Variants in FER observed in about 807,000 individuals in gnomAD.
FER encodes FER tyrosine kinase.
FER carries 63 observed loss-of-function variants against 111.0 expected under a neutral mutation model. The ratio of observed to expected loss-of-function variants is 0.57; its 90% confidence interval spans 0.46 to 0.70. The LOEUF (loss-of-function observed/expected upper bound fraction) is 0.70, where lower values mean the gene tolerates loss of function less well. Ranked by LOEUF, FER falls within the 30% of genes least tolerant of loss-of-function variation. The probability of loss-of-function intolerance (pLI) is 0.00; values close to 1 mark genes in which losing one functional copy is unlikely to be tolerated. For synonymous variants in FER, 327 were observed against 313.9 expected (o/e 1.04, Z -0.44); for missense variants, 914 against 954.0 (o/e 0.96, Z 0.55).
intron 3 of FER, among the ~76,000 whole-genome samples, chr5:108,824,784 C>A (rs1434730012): frequency 2.0e-5 from 3 of 152,142 alleles, no homozygotes; most frequent in Non-Finnish European, 2.9e-5. Flanking sequence ...CAGGTTTCTA[C>A]ATACGAGATT....
intron 14 of FER, among the ~76,000 whole-genome samples, chr5:109,043,604 C>A (rs1239000342): frequency 2.0e-5 from 3 of 152,126 alleles, no homozygotes; most frequent in South Asian, 4.1e-4. Flanking sequence ...TCTTAGTGCT[C>A]TAAAACTCAG....
intron 2 of FER, among the ~76,000 whole-genome samples, chr5:108,793,399 C>A (rs1426605053): frequency 6.6e-6 from 1 of 151,958 alleles, no homozygotes; most frequent in Non-Finnish European, 1.5e-5. Flanking sequence ...TTTATTCATT[C>A]ATCTGTTGAT....
intron 13 of FER, among the ~76,000 whole-genome samples, chr5:109,020,878 A>G (rs763830840): frequency 4.9e-4 from 74 of 152,060 alleles, no homozygotes; most frequent in African/African-American, 1.8e-3. Context: ...TCGTTTTGAA[A>G]TTTTCTAAAT....
At chr5:108,983,581 C>T (rs975623826) in intron 13 of FER, among the ~76,000 whole-genome samples, 1 of 152,044 alleles carries the variant, frequency 6.6e-6, no homozygotes, top group Non-Finnish European at 1.5e-5. Flanking sequence ...GTAGTTTCAT[C>T]AACACATTAA....
At chr5:108,842,586 A>G (rs1366611508) in intron 5 of FER, 1 of 152,224 alleles carries the variant, frequency 6.6e-6, no homozygotes, top group Non-Finnish European at 1.5e-5. Flanking sequence ...ATGAATAGAC[A>G]TGAATAGACA....
At chr5:108,991,349 T>C (rs1763149642) in intron 13 of FER, among the ~76,000 whole-genome samples, 1 of 152,058 alleles carries the variant, frequency 6.6e-6, no homozygotes, top group African/African-American at 2.4e-5. Flanking sequence ...AGGCATATTT[T>C]ATAATCTTAA....
chr5:108,956,465 A>G (rs182364489), intron 12 of FER, among the ~76,000 whole-genome samples: 50 of 151,804 alleles, frequency 3.3e-4, no homozygotes, highest in African/African-American at 1.0e-3. Flanking sequence ...TATTTAAATT[A>G]GCGTTCTTAG....
intron 13 of FER, among the ~76,000 whole-genome samples, chr5:109,011,123 G>A (rs1437884566): frequency 1.3e-5 from 2 of 151,976 alleles, no homozygotes; most frequent in Non-Finnish European, 2.9e-5. Flanking sequence ...TTTTAAATGT[G>A]TTAATGCTAT....
chr5:109,028,375 T>A (rs1201580698), intron 13 of FER, among the ~76,000 whole-genome samples: 4 of 152,200 alleles, frequency 2.6e-5, no homozygotes, highest in African/African-American at 9.6e-5. Flanking sequence ...GGAATAGAAC[T>A]TGAAACTTAA....
Position 108,922,667 on chromosome 5 carries a change from TATA to T in FER, c.1237-23460_1237-23458del, listed in dbSNP as rs149195313. ...AATCAGGGAATAAAATATAGGAAAA[TATA>T]ATTTTATTTTAATGAAAATATAAAC... On this transcript the variant is annotated intron_variant, in intron 10 of 19. Transcript: ENST00000281092. 7.9e-3 allele frequency among the ~76,000 whole-genome samples: 1,202 copies of T among 152,192 alleles called. 16 individuals carry two copies. The highest frequency in any genetic ancestry group is 0.028 in the African/African-American group (1,155 of 41,536).
chr5:108,859,217 A>G (rs1763281649), intron 5 of FER, among the ~76,000 whole-genome samples: 1 of 152,058 alleles, frequency 6.6e-6, no homozygotes. Flanking sequence ...TAACTCTTAC[A>G]TTGCTGTCAC....
chr5:109,062,539 A>T (rs1177953), intron 16 of FER, among the ~76,000 whole-genome samples: 150,052 of 152,006 alleles, frequency 0.99, 74,063 homozygotes, highest in East Asian at 1. Flanking sequence ...AGAAAAAAAA[A>T]TATATATAAC....
At chr5:109,157,055 A>T (rs1755474906) in intron 17 of FER, among the ~76,000 whole-genome samples, 1 of 152,096 alleles carries the variant, frequency 6.6e-6, no homozygotes, top group African/African-American at 2.4e-5. Flanking sequence ...TAGGCCATAA[A>T]TCACAGGAAT....
chr5:109,123,209 G>T (rs1251966611), intron 17 of FER, among the ~76,000 whole-genome samples: 1 of 138,202 alleles, frequency 7.2e-6, no homozygotes, highest in African/African-American at 2.8e-5. Context: ...AGGCTGTAGT[G>T]CAGTGGTGCA....
At chr5:109,012,570 C>T (rs1033924042) in intron 13 of FER, among the ~76,000 whole-genome samples, 1 of 152,064 alleles carries the variant, frequency 6.6e-6, no homozygotes, top group Non-Finnish European at 1.5e-5. Context: ...AATATGATTC[C>T]ATAAAGCCTT....
At chr5:108,996,786 C>A (rs1370701856) in intron 13 of FER, among the ~76,000 whole-genome samples, 2 of 152,012 alleles carry the variant, frequency 1.3e-5, no homozygotes, top group Non-Finnish European at 2.9e-5. Context: ...TAGTTTTTTC[C>A]AACTTTGTGA....
intron 13 of FER, among the ~76,000 whole-genome samples, chr5:108,978,553 A>AT (rs1490130805): frequency 6.6e-6 from 1 of 152,146 alleles, no homozygotes; most frequent in African/African-American, 2.4e-5. Context: ...TGATTACATT[A>AT]TTTATTGTGT....
chr5:108,844,994 G>GTATATATATATATATATATATATATA (rs1761749156), intron 5 of FER, among the ~76,000 whole-genome samples: 2 of 42,634 alleles, frequency 4.7e-5, no homozygotes, highest in African/African-American at 7.6e-5. Context: ...GTGTGTGTGT[G>GTATATATATATATATATATATATATA]TGTATATATA....
intron 17 of FER, among the ~76,000 whole-genome samples, chr5:109,104,565 C>G (rs1391318578): frequency 1.3e-5 from 2 of 151,846 alleles, no homozygotes; most frequent in African/African-American, 2.4e-5. Context: ...TAAGAAGATT[C>G]CAACTGAAGG....
Sources: allele counts gnomAD v4.1 joint callset (sites outside exome capture counted in the v4.1 genomes callset), GRCh38; gene constraint gnomAD v4.1.1; transcripts MANE v1.5; gene names NCBI Gene and HGNC (gene_info 2026-07-23, HGNC 2026-07-21).